The following FSTL4 variants were observed in gnomAD, a reference collection of about 807,000 sequenced individuals.
FSTL4 encodes follistatin-related protein 4.
Under a neutral mutation model 78.2 loss-of-function variants are expected in FSTL4, and 28 were observed. That is an observed-to-expected ratio of 0.36 (90% confidence interval 0.27 to 0.49). The LOEUF (loss-of-function observed/expected upper bound fraction) is 0.49. FSTL4 is among the 20% of genes least tolerant of loss of function. The probability of loss-of-function intolerance (pLI) is 0.98; values close to 1 mark genes in which losing one functional copy is unlikely to be tolerated. For synonymous variants in FSTL4, 422 were observed against 440.5 expected (o/e 0.96, Z 0.53); for missense variants, 922 against 1,084.9 (o/e 0.85, Z 2.11).
intron 4 of FSTL4, among the ~76,000 whole-genome samples, chr5:133,396,044 C>T (rs1050320435): frequency 1.3e-5 from 2 of 152,164 alleles, no homozygotes; most frequent in African/African-American, 2.4e-5. Flanking sequence ...AGGTCAAATT[C>T]TAGTCATTCA....
At chr5:133,561,321 C>T (rs1021583860) in intron 3 of FSTL4, among the ~76,000 whole-genome samples, 2 of 151,998 alleles carry the variant, frequency 1.3e-5, no homozygotes, top group African/African-American at 4.8e-5. Context: ...TGTGCCAAGG[C>T]GTCTGCACAC....
intron 3 of FSTL4, among the ~76,000 whole-genome samples, chr5:133,432,829 T>A (rs897339220): frequency 6.6e-6 from 1 of 152,174 alleles, no homozygotes; most frequent in African/African-American, 2.4e-5. Context: ...TTCAAATTTA[T>A]CCACAGCAAC....
Position 133,225,538 on chromosome 5 carries a change from T to G in FSTL4, c.1177+120A>C. On this transcript the variant is annotated intron_variant, in intron 9 of 15. Coordinates refer to ENST00000265342, the MANE Select transcript of FSTL4 (RefSeq NM_015082.2). The surrounding 1 kb of genome is among the most constrained non-coding windows in gnomAD (Gnocchi z 4.6). ...AGATAACAGGGAAATTTGGGAGCCA[T>G]CTGTTCACTCCTAACCTGTCTGACT... is the stretch of plus-strand genomic sequence containing the variant. The G allele has an allele frequency of 2.0e-6, 2 of 986,900 alleles. No individual in the cohort carries two copies. The highest frequency in any genetic ancestry group is 3.1e-6 in the Non-Finnish European group (2 of 655,116). The allele number at this position is 986,900 out of a possible 1,614,324, so 61.1% of individuals were successfully genotyped here.
chr5:133,305,357 T>C (rs112129942), intron 6 of FSTL4, among the ~76,000 whole-genome samples: 4,700 of 152,296 alleles, frequency 0.031, 267 homozygotes, highest in African/African-American at 0.11. Context: ...GCCCTAACTG[T>C]GGTGGCGGCC....
At position 133,236,707 on chromosome 5, in the gene FSTL4, T is replaced by C. The variant is rs1489474238; in HGVS notation, c.895-3170A>G. ...ACCCTACTGCCTCGCACACTCCCCT[T>C]GCTGTTGCTCTAGTGTGCCAGGCAT... is the stretch of plus-strand genomic sequence containing the variant. On this transcript the variant is annotated intron_variant, in intron 7 of 15. Coordinates refer to ENST00000265342, the MANE Select transcript of FSTL4 (RefSeq NM_015082.2). The surrounding 1 kb of genome is among the most constrained non-coding windows in gnomAD (Gnocchi z 5.0). 6.6e-6 allele frequency among the ~76,000 whole-genome samples: 1 copy of C among 152,182 alleles called. No individual in the cohort carries two copies. The highest frequency in any genetic ancestry group is 2.1e-4 in the South Asian group (1 of 4,820).
chr5:133,827,561 T>C, the FSTL4 span, among the ~76,000 whole-genome samples: 2 of 151,952 alleles, frequency 1.3e-5, no homozygotes, highest in African/African-American at 2.4e-5. Context: ...AGCACCAACA[T>C]GGAGATCCTT....
At chr5:133,680,040 C>T in the FSTL4 span, among the ~76,000 whole-genome samples, 1 of 152,156 alleles carries the variant, frequency 6.6e-6, no homozygotes, top group Admixed American at 6.5e-5. Context: ...GAGCGATGGG[C>T]AGGTGTCTTC....
At chr5:133,702,558 A>G in the FSTL4 span, among the ~76,000 whole-genome samples, 1 of 152,170 alleles carries the variant, frequency 6.6e-6, no homozygotes, top group African/African-American at 2.4e-5. Flanking sequence ...GCAGGAATAC[A>G]GGGCCCATCC....
chr5:133,340,181 A>G (rs1367527160), intron 4 of FSTL4, among the ~76,000 whole-genome samples: 1 of 152,180 alleles, frequency 6.6e-6, no homozygotes, highest in Non-Finnish European at 1.5e-5. Flanking sequence ...TGGGGCTGAT[A>G]ACCTCTGTCC....
the FSTL4 span, among the ~76,000 whole-genome samples, chr5:133,679,448 C>T: frequency 6.6e-6 from 1 of 152,108 alleles, no homozygotes; most frequent in Non-Finnish European, 1.5e-5. Flanking sequence ...GGATCGTGCT[C>T]CCTCAAGCAT....
At chr5:133,619,323 G>A in the FSTL4 span, among the ~76,000 whole-genome samples, 40,385 of 151,954 alleles carry the variant, frequency 0.27, 5,407 homozygotes, top group Admixed American at 0.35. Flanking sequence ...AATGAGCTGC[G>A]CAAATAACCC....
At chr5:133,682,826 T>A in the FSTL4 span, among the ~76,000 whole-genome samples, 1 of 152,182 alleles carries the variant, frequency 6.6e-6, no homozygotes, top group African/African-American at 2.4e-5. Context: ...CCTCCCTTCC[T>A]TAGGATCCAT....
chr5:133,653,424 G>A, the FSTL4 span, among the ~76,000 whole-genome samples: 16 of 152,242 alleles, frequency 1.1e-4, no homozygotes, highest in Admixed American at 3.3e-4. Flanking sequence ...ACAAAGAGGC[G>A]CCCCGTGTGA....
intron 11 of FSTL4, among the ~76,000 whole-genome samples, chr5:133,223,159 C>T (rs534270347): frequency 1.3e-5 from 2 of 152,326 alleles, no homozygotes; most frequent in South Asian, 4.1e-4. Flanking sequence ...TGCATCTCAG[C>T]CTAGATGCTG....
Position 133,233,469 on chromosome 5 carries a change from G to A in FSTL4, c.963C>T (p.Cys321=), listed in dbSNP as rs773142146. The A allele has an allele frequency of 8.7e-6, 14 of 1,614,088 alleles. No homozygotes were observed. In the South Asian group the frequency reaches 1.5e-4, roughly 18 times the overall value. The change falls in exon 8 of 16, where the codon TGC becomes TGT. Residue 321 remains cysteine, a synonymous_variant. Coordinates refer to ENST00000265342, the MANE Select transcript of FSTL4 (RefSeq NM_015082.2). Reference sequence around the variant, plus strand: ...ACAGCTGCTCGTGGCCGGAAGCATGGCAGGTGTAATTGCCCATGTGGATGG... The same window carrying A: ...ACAGCTGCTCGTGGCCGGAAGCATGACAGGTGTAATTGCCCATGTGGATGG... ...VTTIHMGNYT[C]HASGHEQLFQ...
chr5:133,299,269 C>T (rs1753476163), intron 6 of FSTL4, among the ~76,000 whole-genome samples: 1 of 152,172 alleles, frequency 6.6e-6, no homozygotes, highest in African/African-American at 2.4e-5. Context: ...TGTGAAGGCT[C>T]AGGAAGGGCC....
At chr5:133,410,331 C>T (rs1309515562) in intron 3 of FSTL4, among the ~76,000 whole-genome samples, 1 of 152,186 alleles carries the variant, frequency 6.6e-6, no homozygotes, top group African/African-American at 2.4e-5. Context: ...TACTTAGCTC[C>T]TTTGTCACTT....
chr5:133,463,235 G>C (rs1048916335), intron 3 of FSTL4, among the ~76,000 whole-genome samples: 1 of 152,142 alleles, frequency 6.6e-6, no homozygotes, highest in Non-Finnish European at 1.5e-5. Context: ...CTGCTTTGCA[G>C]GGCCTAATCC....
intron 4 of FSTL4, among the ~76,000 whole-genome samples, chr5:133,354,125 C>G (rs943985250): frequency 1.3e-5 from 2 of 152,072 alleles, no homozygotes; most frequent in African/African-American, 2.4e-5. Flanking sequence ...CATCTGTAAA[C>G]TGACCCCTAT....
Sources: allele counts gnomAD v4.1 joint callset (sites outside exome capture counted in the v4.1 genomes callset), GRCh38; gene constraint gnomAD v4.1.1; non-coding constraint Gnocchi (gnomAD v3.1); transcripts MANE v1.5; gene names NCBI Gene and HGNC (gene_info 2026-07-23, HGNC 2026-07-21).